The following HGD variants were observed in gnomAD, a reference collection of about 807,000 sequenced individuals.
HGD encodes the protein homogentisate oxidase.
In HGD, 61 loss-of-function variants were observed where a neutral mutation model predicts 60.8. That is an observed-to-expected ratio of 1.00 (90% CI 0.82 to 1.24). The LOEUF (loss-of-function observed/expected upper bound fraction) is 1.24, where lower values mean the gene tolerates loss of function less well. HGD is among the 50% of genes most tolerant of loss of function. The probability of loss-of-function intolerance (pLI) is 0.00; values close to 1 mark genes in which losing one functional copy is unlikely to be tolerated. For missense variants in HGD, 542 were observed against 547.1 expected (o/e 0.99, Z 0.09); for synonymous variants, 212 against 187.7 (o/e 1.13, Z -1.06).
chr3:120,633,266 A>G lies in HGD; in HGVS notation c.1069T>C (p.Phe357Leu). Residue 357 changes from phenylalanine (F) to leucine (L), a missense_variant, in exon 13 of 14, where the codon TTC (phenylalanine) becomes CTC (leucine). Phe to Leu is a conservative substitution (Grantham distance 22). Transcript: ENST00000283871. ...RGHYEAKQGG[F>L]LPGGGSLHST... is the part of the protein sequence containing the mutation. The stretch of plus-strand genomic sequence containing the variant: ...TGTAGACTCCCTCCCCCTGGCAGGA[A>G]CCCACCTTGCTTTGCCTCATAGTGA... 1 of 1,614,046 alleles carries G rather than the reference A, an allele frequency of 6.2e-7. No homozygotes were observed. The highest frequency in any genetic ancestry group is 8.5e-7 in the Non-Finnish European group (1 of 1,180,006).
At chr3:120,638,373 AG>A in intron 12 of HGD, 81 bp downstream of exon 12, 1 of 1,543,958 alleles carries the variant, frequency 6.5e-7, no homozygotes, top group South Asian at 1.1e-5. Flanking sequence ...GAAATAACCC[AG>A]GCATTATTCC....
chr3:120,673,515 G>C (rs942671404), intron 3 of HGD, among the ~76,000 whole-genome samples: 1 of 152,184 alleles, frequency 6.6e-6, no homozygotes, highest in Non-Finnish European at 1.5e-5. Context: ...TACAGAGAGA[G>C]AGAGAGAGAT....
chr3:120,646,709 G>A (rs1166813921), intron 8 of HGD, among the ~76,000 whole-genome samples: 1 of 151,678 alleles, frequency 6.6e-6, no homozygotes, highest in African/African-American at 2.4e-5. Flanking sequence ...GTGGGAACAG[G>A]GCCTTATCCA....
At chr3:120,663,395 G>A (rs1212974412) in intron 4 of HGD, among the ~76,000 whole-genome samples, 2 of 152,118 alleles carry the variant, frequency 1.3e-5, no homozygotes, top group Non-Finnish European at 2.9e-5. Context: ...ACGTGGCTAG[G>A]AAAGCCTCAC....
intron 4 of HGD, among the ~76,000 whole-genome samples, chr3:120,659,947 G>C (rs112486708): frequency 0.024 from 3,633 of 151,512 alleles, 147 homozygotes; most frequent in African/African-American, 0.084. Flanking sequence ...AGAGAGTGGG[G>C]GGTGGTTGCA....
rs145087220 is a variant in HGD at position 120,672,594 on chromosome 3, C to T, written c.177-2062G>A. On this transcript the variant is annotated intron_variant, in intron 3 of 13. Coordinates refer to ENST00000283871, the MANE Select transcript of HGD (RefSeq NM_000187.4). Reference sequence around the variant, plus strand: ...ATTTGATTTCTCCATCTCTTGATGACGTGACCTCAGACCTTGGTCTTACTA... The same window carrying T: ...ATTTGATTTCTCCATCTCTTGATGATGTGACCTCAGACCTTGGTCTTACTA... 1.6e-3 allele frequency among the ~76,000 whole-genome samples: 238 copies of T among 152,262 alleles called. 1 individual carries two copies. The highest frequency in any genetic ancestry group is 5.1e-3 in the African/African-American group (211 of 41,544).
chr3:120,672,603 A>G (rs1209083588), intron 3 of HGD, among the ~76,000 whole-genome samples: 1 of 152,186 alleles, frequency 6.6e-6, no homozygotes, highest in East Asian at 1.9e-4. Flanking sequence ...ACGTGACCTC[A>G]GACCTTGGTC....
In HGD at chr3:120,669,447, G is replaced by GCGCGCACA. The variant is rs71133515; in HGVS notation, c.282+979_282+980insTGTGCGCG. 5.8e-3 allele frequency among the ~76,000 whole-genome samples: 848 copies of GCGCGCACA among 145,726 alleles called. 6 individuals are homozygous for GCGCGCACA. The highest frequency in any genetic ancestry group is 0.021 in the African/African-American group (812 of 39,210). ...AAAATACAAGCTTATGTGCGCATGTGCACACACACACACACACACACACAC... is the reference window on the plus strand; with the variant it reads ...AAAATACAAGCTTATGTGCGCATGTGCGCGCACACACACACACACACACACACACACAC... On this transcript the variant is annotated intron_variant, in intron 4 of 13. Coordinates refer to ENST00000283871, the MANE Select transcript of HGD (RefSeq NM_000187.4).
intron 2 of HGD, among the ~76,000 whole-genome samples, chr3:120,675,591 T>G (rs1262156598): frequency 6.6e-6 from 1 of 152,152 alleles, no homozygotes; most frequent in Non-Finnish European, 1.5e-5. Flanking sequence ...CTAGTTTGGA[T>G]TGGCTGCTGT....
At chr3:120,641,919 G>A (rs1316945625) in intron 10 of HGD, 4 of 550,104 alleles carry the variant, frequency 7.3e-6, no homozygotes, top group Non-Finnish European at 1.3e-5. Context: ...AGCTGCAGCT[G>A]CCTTCTGATC....
chr3:120,629,792 T>C (rs1940526985), intron 13 of HGD, among the ~76,000 whole-genome samples: 1 of 152,018 alleles, frequency 6.6e-6, no homozygotes, highest in Admixed American at 6.6e-5. Context: ...AATCAGGCAA[T>C]AGAAAGAAAT....
chr3:120,664,452 G>GAA (rs1707853277), intron 4 of HGD, among the ~76,000 whole-genome samples: 1 of 98,414 alleles, frequency 1.0e-5, no homozygotes, highest in African/African-American at 3.6e-5. Flanking sequence ...TTCTGAGATA[G>GAA]GGTTTCACAC....
At chr3:120,673,115 A>C (rs1413069420) in intron 3 of HGD, among the ~76,000 whole-genome samples, 3 of 152,172 alleles carry the variant, frequency 2.0e-5, no homozygotes, top group African/African-American at 7.2e-5. Context: ...TTGGGTGGGA[A>C]GCATTTCCAC....
At chr3:120,667,073 C>T (rs1273215833) in intron 4 of HGD, among the ~76,000 whole-genome samples, 1 of 151,836 alleles carries the variant, frequency 6.6e-6, no homozygotes, top group African/African-American at 2.4e-5. Flanking sequence ...GCCTGTAATT[C>T]CAGCACTTTG....
chr3:120,664,607 T>C lies in HGD; in HGVS notation c.282+5820A>G, dbSNP rs757268361. Among the ~76,000 whole-genome samples, 243 of 152,034 alleles carry C rather than the reference T, an allele frequency of 1.6e-3. 3 individuals carry two copies. The highest frequency in any genetic ancestry group is 2.5e-3 in the Non-Finnish European group (167 of 67,966). On this transcript the variant is annotated intron_variant, in intron 4 of 13. Transcript: ENST00000283871. ...CATGCTCAGCTAATTTTTTTTCACA[T>C]TTGTGTAGAGCCAGGGTCTTGCTAT...
At chr3:120,669,455 A>G (rs979356343) in intron 4 of HGD, among the ~76,000 whole-genome samples, 13 of 149,580 alleles carry the variant, frequency 8.7e-5, no homozygotes, top group African/African-American at 3.2e-4. Flanking sequence ...GTGCACACAC[A>G]CACACACACA....
At chr3:120,651,192 G>A (rs555119414) in intron 5 of HGD, among the ~76,000 whole-genome samples, 3 of 152,306 alleles carry the variant, frequency 2.0e-5, no homozygotes, top group African/African-American at 7.2e-5. Context: ...AGATTCTGTT[G>A]GAGGTACCAT....
At chr3:120,663,939 T>G (rs539656424) in intron 4 of HGD, among the ~76,000 whole-genome samples, 1 of 72,364 alleles carries the variant, frequency 1.4e-5, no homozygotes, top group African/African-American at 3.5e-5. Flanking sequence ...TATATGTAAC[T>G]GATTTTTTTT....
intron 1 of HGD, among the ~76,000 whole-genome samples, chr3:120,679,354 A>AT (rs576722315): frequency 3.0e-4 from 45 of 150,098 alleles, no homozygotes; most frequent in Middle Eastern, 3.4e-3. Flanking sequence ...CTACTGCTAC[A>AT]TTTTTTTTTT....
Sources: allele counts gnomAD v4.1 joint callset (sites outside exome capture counted in the v4.1 genomes callset), GRCh38; gene constraint gnomAD v4.1.1; transcripts MANE v1.5; gene names NCBI Gene and HGNC (gene_info 2026-07-23, HGNC 2026-07-21).